The following CDH13 variants were observed in gnomAD, a reference collection of about 807,000 sequenced individuals.
CDH13 encodes the protein cadherin 13.
A neutral mutation model predicts 63.8 loss-of-function variants in CDH13; 24 were observed. The ratio of observed to expected loss-of-function variants is 0.38; its 90% CI spans 0.27 to 0.53. CDH13 has a LOEUF of 0.53. Ranked by LOEUF, CDH13 falls within the 20% of genes least tolerant of loss-of-function variation. The pLI, the probability that CDH13 is intolerant of heterozygous loss-of-function variation, is 0.85. For synonymous variants in CDH13, 503 were observed against 355.3 expected (o/e 1.42, Z -4.67); for missense variants, 1,049 against 903.1 (o/e 1.16, Z -2.07).
intron 5 of CDH13, among the ~76,000 whole-genome samples, chr16:83,328,255 C>G (rs940679842): frequency 1.3e-5 from 2 of 152,144 alleles, no homozygotes; most frequent in East Asian, 1.9e-4. Context: ...TGCTTGGAAT[C>G]TCAGCTGTTT....
intron 5 of CDH13, among the ~76,000 whole-genome samples, chr16:83,228,002 G>A (rs192507642): frequency 1.5e-3 from 225 of 152,238 alleles, no homozygotes; most frequent in African/African-American, 5.0e-3. Context: ...GAATAGACAC[G>A]GAGCCGATAA....
chr16:83,347,107 G>A (rs541595461), intron 6 of CDH13, among the ~76,000 whole-genome samples: 1 of 152,330 alleles, frequency 6.6e-6, no homozygotes, highest in South Asian at 2.1e-4. Context: ...CACCCTGTAA[G>A]AGAGTTGCAG....
intron 7 of CDH13, among the ~76,000 whole-genome samples, chr16:83,488,923 C>CCAAT (rs1275665754): frequency 1.3e-5 from 2 of 152,170 alleles, no homozygotes; most frequent in Non-Finnish European, 2.9e-5. Context: ...CTGCGCCCGG[C>CCAAT]CAATGCTCCC....
chr16:83,421,184 C>T (rs2071703924), intron 6 of CDH13, among the ~76,000 whole-genome samples: 1 of 152,026 alleles, frequency 6.6e-6, no homozygotes, highest in Non-Finnish European at 1.5e-5. Flanking sequence ...AGTCTAGAAC[C>T]CTTCCAGAGA....
At chr16:83,333,284 G>C (rs1282125493) in intron 5 of CDH13, among the ~76,000 whole-genome samples, 1 of 152,006 alleles carries the variant, frequency 6.6e-6, no homozygotes, top group Non-Finnish European at 1.5e-5. Context: ...TAATAGAAAA[G>C]CAATTTCAAA....
chr16:83,617,959 T>C (rs1055802925), intron 8 of CDH13, among the ~76,000 whole-genome samples: 7 of 152,238 alleles, frequency 4.6e-5, no homozygotes, highest in African/African-American at 1.7e-4. Flanking sequence ...ATTGCCACTC[T>C]CACTAAATTA....
intron 6 of CDH13, among the ~76,000 whole-genome samples, chr16:83,385,308 C>A (rs1460935788): frequency 6.6e-6 from 1 of 152,178 alleles, no homozygotes; most frequent in Non-Finnish European, 1.5e-5. Context: ...CATTAGGCAG[C>A]TAAGGCATAT....
chr16:82,837,822 G>T (rs1171268298), intron 1 of CDH13, among the ~76,000 whole-genome samples: 6 of 152,278 alleles, frequency 3.9e-5, no homozygotes, highest in Middle Eastern at 3.4e-3. Context: ...AAACCGAATA[G>T]TTCATACAAA....
At chr16:83,341,178 A>G (rs2090713415) in intron 5 of CDH13, among the ~76,000 whole-genome samples, 3 of 152,234 alleles carry the variant, frequency 2.0e-5, no homozygotes, top group Non-Finnish European at 2.9e-5. Flanking sequence ...ACTTGAATCT[A>G]TCATGTAATT....
At position 83,670,880 on chromosome 16, in the gene CDH13, G is replaced by A; in HGVS notation, c.1192G>A (p.Ala398Thr). The change falls in exon 9 of 14, where the codon GCT becomes ACT. Residue 398 changes from alanine to threonine, a missense_variant. Ala to Thr is a moderately conservative substitution (Grantham distance 58). Transcript: ENST00000567109. ...TGACCCCACCACAGGTGCATGGAGG[G>A]CTGCCTACACCATCATCAACGGAAA... ...KDDPTTGAWRAAYTIINGNPG... is the reference protein window; with the variant it reads ...KDDPTTGAWRTAYTIINGNPG... 6.2e-7 allele frequency: 1 copy of A among 1,613,786 alleles called. No individual in the cohort carries two copies. The highest frequency in any genetic ancestry group is 8.5e-7 in the Non-Finnish European group (1 of 1,179,740).
At chr16:82,875,500 A>G (rs191811203) in intron 2 of CDH13, among the ~76,000 whole-genome samples, 2 of 152,346 alleles carry the variant, frequency 1.3e-5, no homozygotes, top group African/African-American at 2.4e-5. Context: ...GGCTTAAGCA[A>G]TGGGAACTCA....
intron 1 of CDH13, among the ~76,000 whole-genome samples, chr16:82,709,104 A>G (rs912767051): frequency 2.6e-5 from 4 of 151,958 alleles, no homozygotes; most frequent in Admixed American, 1.3e-4. Context: ...AGTAGATACA[A>G]TGAACATAAC....
At chr16:83,010,013 T>C (rs1451894736) in intron 2 of CDH13, among the ~76,000 whole-genome samples, 1 of 151,812 alleles carries the variant, frequency 6.6e-6, no homozygotes, top group Non-Finnish European at 1.5e-5. Flanking sequence ...CACACGCCTG[T>C]AATCCCAGCT....
At chr16:83,482,509 T>A (rs900028844) in intron 6 of CDH13, among the ~76,000 whole-genome samples, 4 of 152,204 alleles carry the variant, frequency 2.6e-5, no homozygotes, top group Middle Eastern at 3.2e-3. Context: ...CAAATCTGTT[T>A]CTCGACTGAA....
chr16:83,602,672 A>G (rs1313950927), intron 8 of CDH13, 78 bp downstream of exon 8: 15 of 1,417,728 alleles, frequency 1.1e-5, no homozygotes, highest in Non-Finnish European at 1.4e-5. Flanking sequence ...CACGTACCAC[A>G]GCACCTGCTG....
At chr16:82,656,993 T>G (rs1295461928) in intron 1 of CDH13, among the ~76,000 whole-genome samples, 1 of 151,674 alleles carries the variant, frequency 6.6e-6, no homozygotes, top group Non-Finnish European at 1.5e-5. Flanking sequence ...TTGACCTACT[T>G]AAGGATATCT....
intron 1 of CDH13, among the ~76,000 whole-genome samples, chr16:82,673,106 T>A (rs957755081): frequency 3.4e-5 from 5 of 145,180 alleles, no homozygotes; most frequent in Non-Finnish European, 7.5e-5. Context: ...CCTTACAGAA[T>A]GCTGGGATTA....
chr16:83,601,904 C>G (rs1197695722), intron 7 of CDH13, among the ~76,000 whole-genome samples: 1 of 151,680 alleles, frequency 6.6e-6, no homozygotes, highest in East Asian at 1.9e-4. Context: ...ACCAGCCTGA[C>G]CAGCATGGTG....
intron 8 of CDH13, among the ~76,000 whole-genome samples, chr16:83,626,380 G>A (rs983983340): frequency 2.0e-5 from 3 of 152,304 alleles, no homozygotes; most frequent in African/African-American, 7.2e-5. Flanking sequence ...CGGGATAACT[G>A]CAGGAGAGAT....
Sources: allele counts gnomAD v4.1 joint callset (sites outside exome capture counted in the v4.1 genomes callset), GRCh38; gene constraint gnomAD v4.1.1; transcripts MANE v1.5; gene names NCBI Gene and HGNC (gene_info 2026-07-23, HGNC 2026-07-21).